SP4: variants seen among roughly 807,000 people sequenced by gnomAD.
SP4 encodes the protein transcription factor Sp4.
SP4 carries 19 observed loss-of-function variants against 72.8 expected under a neutral mutation model. That is an observed-to-expected ratio of 0.26 (90% CI 0.18 to 0.38). SP4 has a LOEUF of 0.38. Ranked by LOEUF, SP4 falls within the 10% of genes least tolerant of loss-of-function variation. The pLI, the probability that SP4 is intolerant of heterozygous loss-of-function variation, is 1.00. For synonymous variants in SP4, 395 were observed against 333.1 expected (o/e 1.19, Z -2.02); for missense variants, 1,008 against 926.3 (o/e 1.09, Z -1.14).
intron 3 of SP4, among the ~76,000 whole-genome samples, chr7:21,456,652 A>G (rs1312716582): frequency 1.3e-5 from 2 of 152,206 alleles, no homozygotes; most frequent in African/African-American, 4.8e-5. Context: ...ATTTCAGATT[A>G]CCCACAGGGA....
At chr7:21,467,714 G>A (rs1352939507) in intron 3 of SP4, among the ~76,000 whole-genome samples, 1 of 152,102 alleles carries the variant, frequency 6.6e-6, no homozygotes, top group Admixed American at 6.5e-5. Flanking sequence ...CAGATTCCAA[G>A]TTTAATCTGT....
At chr7:21,430,928 G>C in intron 3 of SP4, 85 bp downstream of exon 3, 1 of 981,788 alleles carries the variant, frequency 1.0e-6, no homozygotes, top group Non-Finnish European at 1.5e-6. Context: ...AAGGTTTGAC[G>C]TAGACCTCTG....
intron 3 of SP4, among the ~76,000 whole-genome samples, chr7:21,446,342 G>A (rs903722323): frequency 2.6e-5 from 4 of 152,108 alleles, no homozygotes; most frequent in African/African-American, 9.7e-5. Flanking sequence ...TTTGGCAGCT[G>A]TCTGAACTGG....
intron 5 of SP4, among the ~76,000 whole-genome samples, chr7:21,483,972 A>C (rs1322947451): frequency 2.6e-5 from 4 of 151,952 alleles, no homozygotes; most frequent in Admixed American, 1.3e-4. Flanking sequence ...TTTCTAAATC[A>C]GCTGCTATAT....
chr7:21,461,265 G>T (rs1044387369), intron 3 of SP4, among the ~76,000 whole-genome samples: 2 of 152,156 alleles, frequency 1.3e-5, no homozygotes, highest in African/African-American at 4.8e-5. Context: ...TTGTTGGGGA[G>T]ACTCAGGCCG....
rs1782777911 is a variant in SP4, at chr7:21,429,957, G to C, written c.792G>C (p.Val264=). The C allele has an allele frequency of 1.2e-6, 2 of 1,614,052 alleles. No homozygotes were observed. Among genetic ancestry groups the C allele is most frequent in the Non-Finnish European group, 1.7e-6 (2 of 1,180,036 alleles). Residue 264 remains valine, a synonymous_variant, in exon 3 of 6, where the codon GTG becomes GTC. Coordinates refer to ENST00000222584, the MANE Select transcript of SP4 (RefSeq NM_003112.5). ...VTTLPINIGG[V]TLALPVINNV... ...CCCTACCAATTAACATTGGAGGAGTGACTCTAGCTTTGCCAGTGATAAACA... is the reference window on the plus strand; with the variant it reads ...CCCTACCAATTAACATTGGAGGAGTCACTCTAGCTTTGCCAGTGATAAACA...
At chr7:21,475,390 AG>A (rs1189466975) in intron 3 of SP4, among the ~76,000 whole-genome samples, 1 of 151,876 alleles carries the variant, frequency 6.6e-6, no homozygotes, top group Non-Finnish European at 1.5e-5. Context: ...CTGGGATTAC[AG>A]GCCTGAGCCA....
intron 3 of SP4, chr7:21,471,204 T>C (rs1001885896): frequency 4.3e-5 from 22 of 507,658 alleles, no homozygotes; most frequent in African/African-American, 3.3e-4. Context: ...TTATGTACTA[T>C]GCTAAGAAAT....
chr7:21,455,621 C>T (rs1783739424), intron 3 of SP4, among the ~76,000 whole-genome samples: 1 of 152,196 alleles, frequency 6.6e-6, no homozygotes, highest in Non-Finnish European at 1.5e-5. Context: ...ACATTGGAGA[C>T]ACCAATATGA....
intron 3 of SP4, among the ~76,000 whole-genome samples, chr7:21,454,909 A>G (rs1016346522): frequency 1.3e-5 from 2 of 152,204 alleles, no homozygotes; most frequent in Non-Finnish European, 2.9e-5. Flanking sequence ...CGCCCCCATT[A>G]CCTGACAGGA....
chr7:21,497,268 A>G (rs1300642551), intron 5 of SP4, among the ~76,000 whole-genome samples: 2 of 152,120 alleles, frequency 1.3e-5, no homozygotes, highest in African/African-American at 4.8e-5. Flanking sequence ...AAAGAGCCTC[A>G]GCTGTGTTCC....
intron 5 of SP4, among the ~76,000 whole-genome samples, chr7:21,500,826 T>C (rs1781844685): frequency 6.6e-6 from 1 of 152,206 alleles, no homozygotes; most frequent in African/African-American, 2.4e-5. Context: ...ATCCCTATAT[T>C]AAGCTCCATA....
In SP4 at chr7:21,430,827, A is replaced by G. The variant is rs756431125; in HGVS notation, c.1662A>G (p.Thr554=). Residue 554 remains threonine, a synonymous_variant, in exon 3 of 6, where the codon ACA becomes ACG. Coordinates refer to ENST00000222584, the MANE Select transcript of SP4 (RefSeq NM_003112.5). ...TTCAAGTGCAGGGAGTTCCCGTTAC[A>G]ATCACTAGTGTTGCAGGTAAGTTCT... The part of the protein sequence containing the change: ...AGVQVQGVPV[T]ITSVAGQQQG... 2.5e-6 allele frequency: 4 copies of G among 1,611,190 alleles called. No homozygotes were observed. The highest frequency in any genetic ancestry group is 3.4e-6 in the Non-Finnish European group (4 of 1,177,984).
chr7:21,449,849 T>C (rs372969770), intron 3 of SP4, among the ~76,000 whole-genome samples: 1 of 151,714 alleles, frequency 6.6e-6, no homozygotes, highest in African/African-American at 2.4e-5. Flanking sequence ...GGAAAAAAAT[T>C]ATAGGCAAGT....
At chr7:21,496,099 A>G (rs1009661080) in intron 5 of SP4, among the ~76,000 whole-genome samples, 4 of 152,168 alleles carry the variant, frequency 2.6e-5, no homozygotes, top group African/African-American at 9.7e-5. Flanking sequence ...AGCAAGGAGG[A>G]GGGAGAGTTC....
chr7:21,460,340 C>T lies in SP4; in HGVS notation c.1679-16739C>T, dbSNP rs370248358. ...GCTCAGGATTGAAGCTGCAGACCTT[C>T]GCGATGAGTGTTACAGCTCTTAAGG... On this transcript the variant is annotated intron_variant, in intron 3 of 5. Coordinates refer to ENST00000222584, the MANE Select transcript of SP4 (RefSeq NM_003112.5). 1.1e-3 allele frequency among the ~76,000 whole-genome samples: 164 copies of T among 151,828 alleles called. 1 individual carries two copies. Among genetic ancestry groups the T allele is most frequent in the African/African-American group, 3.9e-3 (159 of 41,216 alleles).
chr7:21,441,870 A>G (rs1003165672), intron 3 of SP4, among the ~76,000 whole-genome samples: 1 of 152,194 alleles, frequency 6.6e-6, no homozygotes, highest in Non-Finnish European at 1.5e-5. Flanking sequence ...AGGCATTGAG[A>G]AACTAAAGAT....
At chr7:21,506,008 A>G (rs1019839810) in intron 5 of SP4, among the ~76,000 whole-genome samples, 1 of 152,076 alleles carries the variant, frequency 6.6e-6, no homozygotes, top group African/African-American at 2.4e-5. Flanking sequence ...CAGGAGGCCC[A>G]TCATTACTTT....
chr7:21,439,401 T>C (rs1429468789), intron 3 of SP4, among the ~76,000 whole-genome samples: 1 of 152,188 alleles, frequency 6.6e-6, no homozygotes, highest in Admixed American at 6.6e-5. Flanking sequence ...CGATATGTTG[T>C]ATAGTGGCGA....
Sources: allele counts gnomAD v4.1 joint callset (sites outside exome capture counted in the v4.1 genomes callset), GRCh38; gene constraint gnomAD v4.1.1; transcripts MANE v1.5; gene names NCBI Gene and HGNC (gene_info 2026-07-23, HGNC 2026-07-21).